The following PPP2R3A variants were observed in gnomAD, a reference collection of about 807,000 sequenced individuals.
PPP2R3A encodes serine/threonine-protein phosphatase 2A regulatory subunit B'' subunit alpha.
Under a neutral mutation model 106.9 loss-of-function variants are expected in PPP2R3A, and 80 were observed. That is an observed-to-expected ratio of 0.75 (90% CI 0.62 to 0.90). PPP2R3A has a LOEUF of 0.90. Among genes scored for constraint, PPP2R3A ranks in the 40% least tolerant of loss-of-function variants. The probability of loss-of-function intolerance (pLI) is 0.00; values close to 1 mark genes in which losing one functional copy is unlikely to be tolerated. For synonymous variants in PPP2R3A, 483 were observed against 468.3 expected, an observed-to-expected ratio of 1.03 and a Z score of -0.41; for missense variants, 1,386 against 1,350.4, an observed-to-expected ratio of 1.03 and a Z score of -0.41.
intron 9 of PPP2R3A, among the ~76,000 whole-genome samples, chr3:136,089,530 G>C (rs992130271): frequency 3.3e-5 from 5 of 151,182 alleles, no homozygotes; most frequent in Non-Finnish European, 7.4e-5. Flanking sequence ...CCTCTCGCTT[G>C]GTTGTTTTTG....
intron 9 of PPP2R3A, among the ~76,000 whole-genome samples, chr3:136,088,930 T>G (rs2107942916): frequency 6.6e-6 from 1 of 152,126 alleles, no homozygotes; most frequent in African/African-American, 2.4e-5. Context: ...CATTTTTAAA[T>G]GGGGTTGTTT....
At chr3:136,044,473 A>G (rs1322030222) in intron 4 of PPP2R3A, among the ~76,000 whole-genome samples, 3 of 150,588 alleles carry the variant, frequency 2.0e-5, no homozygotes, top group African/African-American at 7.4e-5. Flanking sequence ...AATCCTAGCT[A>G]CTTGGGAGGA....
intron 5 of PPP2R3A, among the ~76,000 whole-genome samples, chr3:136,056,647 A>G (rs1236527211): frequency 6.6e-6 from 1 of 152,108 alleles, no homozygotes; most frequent in African/African-American, 2.4e-5. Context: ...CATAGGGGTA[A>G]GGCTGCGTGA....
intron 13 of PPP2R3A, among the ~76,000 whole-genome samples, chr3:136,114,142 C>T (rs1937650073): frequency 6.6e-6 from 1 of 152,132 alleles, no homozygotes; most frequent in African/African-American, 2.4e-5. Context: ...GGGGCATCGC[C>T]TCACCCAGGA....
chr3:135,975,650 T>G (rs186289220), intron 1 of PPP2R3A, among the ~76,000 whole-genome samples: 1 of 152,182 alleles, frequency 6.6e-6, no homozygotes, highest in African/African-American at 2.4e-5. Context: ...TTGGGTTGTT[T>G]CCAATTTTTC....
rs763573208 is a variant in PPP2R3A at position 136,145,201 on chromosome 3, T to C, written c.*35T>C. ...TCTACAATGAAACGAAGATGTGTAT[T>C]TTAAATGTTTCTTTCTTGTGAAGAG... On this transcript the variant is annotated 3_prime_UTR_variant, in exon 14 of 14. Transcript: ENST00000264977. 3.2e-6 allele frequency: 5 copies of C among 1,580,526 alleles called. 1 individual carries two copies. In the South Asian group the frequency reaches 5.8e-5, roughly 18 times the overall value.
intron 8 of PPP2R3A, among the ~76,000 whole-genome samples, chr3:136,087,307 T>C (rs1294701402): frequency 1.1e-5 from 1 of 91,260 alleles, no homozygotes; most frequent in African/African-American, 3.6e-5. Context: ...CTCACCAACA[T>C]GCTAACTTAA....
At chr3:136,131,008 C>T (rs944330481) in intron 13 of PPP2R3A, among the ~76,000 whole-genome samples, 23 of 152,120 alleles carry the variant, frequency 1.5e-4, no homozygotes, top group Non-Finnish European at 2.8e-4. Context: ...AAAGTTAATT[C>T]AAGATGGATT....
intron 5 of PPP2R3A, chr3:136,055,481 A>AC (rs1935830260): frequency 1.1e-5 from 13 of 1,152,208 alleles, no homozygotes; most frequent in Non-Finnish European, 1.6e-5. Flanking sequence ...CTTTCTGGAT[A>AC]CAGAGACCAG....
intron 1 of PPP2R3A, among the ~76,000 whole-genome samples, chr3:135,990,260 C>G (rs1933103286): frequency 6.6e-6 from 1 of 152,044 alleles, no homozygotes; most frequent in South Asian, 2.1e-4. Flanking sequence ...AGGTTCTTGG[C>G]CGTCCTCTAG....
chr3:136,022,566 C>T (rs1285155631), intron 2 of PPP2R3A, among the ~76,000 whole-genome samples: 3 of 151,810 alleles, frequency 2.0e-5, no homozygotes, highest in African/African-American at 4.8e-5. Flanking sequence ...GAGAAAAAGC[C>T]GAAAATGTTC....
chr3:136,100,972 A>T (rs1016027611), intron 10 of PPP2R3A, among the ~76,000 whole-genome samples: 8 of 152,364 alleles, frequency 5.3e-5, no homozygotes, highest in Middle Eastern at 3.4e-3. Flanking sequence ...ATGCTCTTTC[A>T]TTCAAGAAGC....
At chr3:136,036,500 G>C (rs1935090771) in intron 3 of PPP2R3A, among the ~76,000 whole-genome samples, 1 of 152,184 alleles carries the variant, frequency 6.6e-6, no homozygotes, top group Non-Finnish European at 1.5e-5. Flanking sequence ...TCTGGATCTA[G>C]CCGCCCAGCA....
chr3:136,121,483 C>T (rs1245689481), intron 13 of PPP2R3A, among the ~76,000 whole-genome samples: 3 of 152,114 alleles, frequency 2.0e-5, no homozygotes, highest in African/African-American at 4.8e-5. Flanking sequence ...CTATCAAGTA[C>T]TGTGCTACTA....
chr3:135,992,447 T>G (rs1269150447), intron 1 of PPP2R3A, among the ~76,000 whole-genome samples: 2 of 152,176 alleles, frequency 1.3e-5, no homozygotes, highest in Non-Finnish European at 2.9e-5. Context: ...AACCCTTTCA[T>G]CAGCTGAGAT....
chr3:136,099,741 T>A (rs1206470526), intron 10 of PPP2R3A, among the ~76,000 whole-genome samples: 1 of 152,048 alleles, frequency 6.6e-6, no homozygotes, highest in East Asian at 1.9e-4. Context: ...ATTTTAAAAT[T>A]TAGCCACAAT....
intron 2 of PPP2R3A, among the ~76,000 whole-genome samples, chr3:136,011,642 C>G (rs904158343): frequency 2.6e-5 from 4 of 152,200 alleles, no homozygotes; most frequent in Admixed American, 6.5e-5. Context: ...CTGATCACTT[C>G]AGAAGCTCTA....
intron 2 of PPP2R3A, among the ~76,000 whole-genome samples, chr3:136,011,466 C>A (rs1934071587): frequency 6.6e-6 from 1 of 152,080 alleles, no homozygotes; most frequent in Admixed American, 6.5e-5. Flanking sequence ...TTTTTCCTTA[C>A]AACCAACCTT....
At chr3:135,966,283 G>A (rs1245582288) in intron 1 of PPP2R3A, among the ~76,000 whole-genome samples, 1 of 152,200 alleles carries the variant, frequency 6.6e-6, no homozygotes. Flanking sequence ...GAGTCACGTC[G>A]TTAGGCGCTG....
Sources: allele counts gnomAD v4.1 joint callset (sites outside exome capture counted in the v4.1 genomes callset), GRCh38; gene constraint gnomAD v4.1.1; transcripts MANE v1.5; gene names NCBI Gene and HGNC (gene_info 2026-07-23, HGNC 2026-07-21).